The following SOAT1 variants were observed in gnomAD, a reference collection of about 807,000 sequenced individuals.
SOAT1 encodes sterol O-acyltransferase 1.
SOAT1 carries 55 observed loss-of-function variants against 69.5 expected under a neutral mutation model. The ratio of observed to expected loss-of-function variants is 0.79; its 90% CI spans 0.64 to 0.99. SOAT1 has a LOEUF of 0.99. SOAT1 is among the 50% of genes least tolerant of loss of function. The pLI is 0.00. For synonymous variants in SOAT1, 231 were observed against 224.7 expected (o/e 1.03, Z -0.25); for missense variants, 580 against 669.3 (o/e 0.87, Z 1.47).
At chr1:179,323,342 C>T (rs1665672184) in intron 2 of SOAT1, 95 bp from the exon 3 acceptor site, 2 of 1,006,882 alleles carry the variant, frequency 2.0e-6, no homozygotes, top group Admixed American at 2.4e-5. Flanking sequence ...ACGCAGTTAC[C>T]TTTGTATTTG....
chr1:179,311,761 TTAG>T (rs1164173955), intron 2 of SOAT1, among the ~76,000 whole-genome samples: 1 of 152,216 alleles, frequency 6.6e-6, no homozygotes, highest in Non-Finnish European at 1.5e-5. Context: ...TTGATAAGTG[TTAG>T]TAGAACTACA....
chr1:179,326,269 A>C (rs1411529231), intron 3 of SOAT1, among the ~76,000 whole-genome samples: 1 of 152,162 alleles, frequency 6.6e-6, no homozygotes, highest in Non-Finnish European at 1.5e-5. Context: ...AAATCAAAAT[A>C]ATGTATATCC....
At chr1:179,303,311 G>T (rs1664898462) in intron 2 of SOAT1, among the ~76,000 whole-genome samples, 1 of 152,170 alleles carries the variant, frequency 6.6e-6, no homozygotes, top group South Asian at 2.1e-4. Context: ...ATTAGTTCTT[G>T]TATCCACGTT....
At chr1:179,339,333 G>A (rs1339430040) in intron 5 of SOAT1, 105 bp from the exon 6 acceptor site, 1 of 612,244 alleles carries the variant, frequency 1.6e-6, no homozygotes, top group East Asian at 3.3e-5. Flanking sequence ...AGTGGATTAA[G>A]CATCTTCTCA....
Position 179,341,058 on chromosome 1 carries a change from T to C in SOAT1, c.528T>C (p.Tyr176=), listed in dbSNP as rs752047562. Residue 176 remains tyrosine, a synonymous_variant, in exon 7 of 16, where the codon TAT becomes TAC. Coordinates refer to ENST00000367619, the MANE Select transcript of SOAT1 (RefSeq NM_003101.6). The part of the protein sequence containing the change: ...RLVLEFSLLS[Y]AFGKFPTVVW... ...TGCTTGAGTTCAGCCTCCTGTCTTA[T>C]GCTTTTGGCAAATTTCCTACCGTTG... 5 of 1,614,206 alleles carry C rather than the reference T, an allele frequency of 3.1e-6. No homozygotes were observed. Among genetic ancestry groups the C allele is most frequent in the South Asian group, 1.1e-5 (1 of 91,090 alleles).
At chr1:179,339,333 G>C in intron 5 of SOAT1, 105 bp from the exon 6 acceptor site, 2 of 612,360 alleles carry the variant, frequency 3.3e-6, no homozygotes, top group Non-Finnish European at 2.7e-6. Context: ...AGTGGATTAA[G>C]CATCTTCTCA....
chr1:179,328,536 G>T (rs1665863160), intron 3 of SOAT1, among the ~76,000 whole-genome samples: 1 of 152,164 alleles, frequency 6.6e-6, no homozygotes, highest in South Asian at 2.1e-4. Context: ...AGGTCATATA[G>T]TACAGCCCTG....
chr1:179,324,444 G>A (rs1665709930), intron 3 of SOAT1, among the ~76,000 whole-genome samples: 1 of 152,156 alleles, frequency 6.6e-6, no homozygotes. Flanking sequence ...GATCTACCCT[G>A]TCCTCCTTCC....
intron 2 of SOAT1, among the ~76,000 whole-genome samples, chr1:179,312,621 GC>G (rs1354642187): frequency 1.3e-5 from 2 of 152,146 alleles, no homozygotes; most frequent in East Asian, 1.9e-4. Context: ...AGTCTCCAGT[GC>G]CCTGTGTGTT....
At chr1:179,313,300 G>T (rs984011441) in intron 2 of SOAT1, among the ~76,000 whole-genome samples, 1 of 152,120 alleles carries the variant, frequency 6.6e-6, no homozygotes, top group African/African-American at 2.4e-5. Context: ...CTAGAATTAC[G>T]TTGTTCAATA....
intron 1 of SOAT1, among the ~76,000 whole-genome samples, chr1:179,295,307 A>G (rs1038981588): frequency 1.3e-5 from 2 of 151,928 alleles, no homozygotes; most frequent in African/African-American, 4.8e-5. Flanking sequence ...CCCTCCCTCC[A>G]ACTCTTATAC....
chr1:179,303,431 A>G (rs147629580), intron 2 of SOAT1, among the ~76,000 whole-genome samples: 2 of 152,224 alleles, frequency 1.3e-5, no homozygotes, highest in Admixed American at 6.5e-5. Context: ...GATGTCATCT[A>G]TTGCATCAGG....
chr1:179,342,320 T>A (rs1666367747), intron 8 of SOAT1, 128 bp downstream of exon 8: 1 of 575,148 alleles, frequency 1.7e-6, no homozygotes, highest in Non-Finnish European at 3.1e-6. Context: ...TTTCTCTTTC[T>A]CTTTCTCTCT....
intron 3 of SOAT1, among the ~76,000 whole-genome samples, chr1:179,327,304 C>T (rs914670402): frequency 8.6e-5 from 13 of 152,008 alleles, no homozygotes; most frequent in African/African-American, 3.1e-4. Flanking sequence ...GGAATCTTTC[C>T]GGTCATTTAT....
At chr1:179,314,551 T>TA (rs1207988606) in intron 2 of SOAT1, among the ~76,000 whole-genome samples, 1 of 152,156 alleles carries the variant, frequency 6.6e-6, no homozygotes, top group Non-Finnish European at 1.5e-5. Context: ...GGATCTCTCT[T>TA]ACTTGTTCCG....
chr1:179,343,500 C>T (rs573125584), intron 9 of SOAT1, 90 bp from the exon 10 acceptor site: 73 of 1,151,518 alleles, frequency 6.3e-5, no homozygotes, highest in African/African-American at 2.3e-4. Flanking sequence ...TGAGCCACCG[C>T]GCCTGACCAA....
rs1289030974 is a variant in SOAT1, at chr1:179,351,037, T to C, written c.1451-280T>C. Among the ~76,000 whole-genome samples, 651 of 125,994 alleles carry C rather than the reference T, an allele frequency of 5.2e-3. 25 individuals are homozygous for C. The highest frequency in any genetic ancestry group is 0.011 in the African/African-American group (395 of 36,650). The allele number at this position is 125,994 out of a possible 152,430, so 82.7% of individuals were successfully genotyped here. A position where few individuals can be genotyped will look rare whatever the true frequency, so the allele number is the denominator to read the frequency against. On this transcript the variant is annotated intron_variant, in intron 14 of 15. Coordinates refer to ENST00000367619, the MANE Select transcript of SOAT1 (RefSeq NM_003101.6). Reference sequence around the variant, plus strand: ...TATTTCTTTCTTTTTTTTTTTTTTTTTTTTTTTTTTTTTTTTTTTTTTTGA... The same window carrying C: ...TATTTCTTTCTTTTTTTTTTTTTTTCTTTTTTTTTTTTTTTTTTTTTTTGA...
At chr1:179,313,818 C>T (rs1340350704) in intron 2 of SOAT1, among the ~76,000 whole-genome samples, 5 of 152,012 alleles carry the variant, frequency 3.3e-5, no homozygotes, top group South Asian at 2.1e-4. Flanking sequence ...TCCTGACCTC[C>T]GGTGATCTGC....
chr1:179,297,436 A>C (rs1664687356), intron 1 of SOAT1, among the ~76,000 whole-genome samples: 2 of 151,992 alleles, frequency 1.3e-5, no homozygotes, highest in Admixed American at 1.3e-4. Context: ...TCCTGGGTTC[A>C]AGCAATTCTC....
Sources: gnomAD v4.1 joint callset for allele counts (sites outside exome capture counted in the v4.1 genomes callset) on GRCh38, gnomAD v4.1.1 for gene constraint, MANE v1.5 for transcripts, NCBI Gene and HGNC (gene_info 2026-07-23, HGNC 2026-07-21) for gene names.